Variants in WNT7B observed in about 807,000 individuals in gnomAD.
WNT7B encodes the protein protein Wnt-7b.
In WNT7B, 19 loss-of-function variants were observed where a neutral mutation model predicts 38.2. The observed-to-expected ratio is 0.50, with a 90% CI of 0.35 to 0.73. WNT7B has a LOEUF of 0.73. WNT7B is among the 30% of genes least tolerant of loss of function. The pLI is 0.01. For missense variants in WNT7B, 423 were observed against 507.9 expected, an observed-to-expected ratio of 0.83 and a Z score of 1.61; for synonymous variants, 243 against 209.3, an observed-to-expected ratio of 1.16 and a Z score of -1.39.
chr22:45,943,237 G>GCCCCC (rs1260051320), intron 2 of WNT7B, among the ~76,000 whole-genome samples: 2 of 152,106 alleles, frequency 1.3e-5, no homozygotes, highest in African/African-American at 2.4e-5. Context: ...GCCCCACCCG[G>GCCCCC]ACCCCACCCG....
intron 2 of WNT7B, among the ~76,000 whole-genome samples, chr22:45,942,553 G>T (rs908907851): frequency 6.6e-6 from 1 of 152,236 alleles, no homozygotes; most frequent in African/African-American, 2.4e-5. Flanking sequence ...CAGAGCCCTC[G>T]CCTGCCTGGC....
chr22:45,975,199 A>C lies in WNT7B; in HGVS notation c.71+1485T>G, dbSNP rs73175081. On this transcript the variant is annotated intron_variant, in intron 1 of 3. Transcript: ENST00000339464. The surrounding 1 kb of genome is among the most constrained non-coding windows in gnomAD (Gnocchi z 6.6). ...TACTCTAGGGGTGCCAGGAGGGGGAAGGCCTCAGCGCTGAGAATCAGGCTG... is the reference window on the plus strand; with the variant it reads ...TACTCTAGGGGTGCCAGGAGGGGGACGGCCTCAGCGCTGAGAATCAGGCTG... Among the ~76,000 whole-genome samples, 1 of 151,968 alleles carries C rather than the reference A, an allele frequency of 6.6e-6. No individual in the cohort carries two copies. Among genetic ancestry groups the C allele is most frequent in the African/African-American group, 2.4e-5 (1 of 41,420 alleles).
intron 2 of WNT7B, among the ~76,000 whole-genome samples, chr22:45,945,525 C>T (rs1245873659): frequency 6.6e-6 from 1 of 152,260 alleles, no homozygotes; most frequent in Admixed American, 6.5e-5. Flanking sequence ...ATATCTTACA[C>T]TTACGGCACA....
At position 45,945,624 on chromosome 22, in the gene WNT7B, C is replaced by T. The variant is rs1280646088; in HGVS notation, c.298+4296G>A. Among the ~76,000 whole-genome samples, 5 of 152,374 alleles carry T rather than the reference C, an allele frequency of 3.3e-5. No homozygotes were observed. In the East Asian group the frequency reaches 5.8e-4, roughly 18 times the overall value. On this transcript the variant is annotated intron_variant, in intron 2 of 3. Transcript: ENST00000339464. ...GTGAACAAGTGAAGAATCCAGCCCT[C>T]GAGACCTCGTCCCTGCTGGGGGTCA...
At position 45,966,476 on chromosome 22, in the gene WNT7B, G is replaced by A. The variant is rs1034225905; in HGVS notation, c.71+10208C>T. ...TGGAGCAGGGATCACAGTGCGGGAG[G>A]GCTCCAGAAAGCGATAGAGGCCTGC... On this transcript the variant is annotated intron_variant, in intron 1 of 3. Transcript: ENST00000339464. The surrounding 1 kb of genome is among the most constrained non-coding windows in gnomAD (Gnocchi z 4.2). Among the ~76,000 whole-genome samples the A allele has an allele frequency of 3.9e-5, 6 of 152,188 alleles. No individual in the cohort carries two copies. The highest frequency in any genetic ancestry group is 8.8e-5 in the Non-Finnish European group (6 of 68,032).
chr22:45,930,410 G>C (rs1258469925), intron 3 of WNT7B, among the ~76,000 whole-genome samples: 2 of 152,342 alleles, frequency 1.3e-5, no homozygotes, highest in East Asian at 3.9e-4. Flanking sequence ...AGCCGGCTGG[G>C]CGTTCCACTT....
In WNT7B at chr22:45,951,654, G is replaced by A. The variant is rs1278354116; in HGVS notation, c.72-1508C>T. Among the ~76,000 whole-genome samples the A allele has an allele frequency of 2.6e-5, 4 of 152,270 alleles. No individual in the cohort carries two copies. Among genetic ancestry groups the A allele is most frequent in the East Asian group, 1.9e-4 (1 of 5,180 alleles). ...AACCATTCATTGTGTGACCTTTGGCGTCTGGCTTCTTTCACTTAGCGTCGT... is the reference window on the plus strand; with the variant it reads ...AACCATTCATTGTGTGACCTTTGGCATCTGGCTTCTTTCACTTAGCGTCGT... On this transcript the variant is annotated intron_variant, in intron 1 of 3. Transcript: ENST00000339464. This position sits in a 1 kb window ranked among gnomAD's most constrained non-coding sequence, Gnocchi z 4.8.
At chr22:45,934,826 G>A (rs539893126) in intron 2 of WNT7B, among the ~76,000 whole-genome samples, 26 of 152,336 alleles carry the variant, frequency 1.7e-4, no homozygotes, top group Admixed American at 3.3e-4. Flanking sequence ...CTGGTCTCTC[G>A]TCATGGAGAC....
rs1043068797 is a variant in WNT7B, at chr22:45,920,792, T to C, written c.*2064A>G. 23 of 151,864 alleles carry C rather than the reference T, an allele frequency of 1.5e-4. No individual in the cohort carries two copies. The highest frequency in any genetic ancestry group is 5.1e-4 in the African/African-American group (21 of 41,296). The allele number at this position is 151,864 out of a possible 1,614,324, so 9.4% of individuals were successfully genotyped here. A position where few individuals can be genotyped will look rare whatever the true frequency, so the allele number is the denominator to read the frequency against. On this transcript the variant is annotated 3_prime_UTR_variant, in exon 4 of 4. Transcript: ENST00000339464. ...GGGCCGCAGCCATCCCCCTCTCCGGTACCCAGTGTAGGTCACAATAATTTA... is the reference window on the plus strand; with the variant it reads ...GGGCCGCAGCCATCCCCCTCTCCGGCACCCAGTGTAGGTCACAATAATTTA...
chr22:45,929,695 C>CCCATCCTTCCAT (rs141904678), intron 3 of WNT7B, among the ~76,000 whole-genome samples: 1 of 140,366 alleles, frequency 7.1e-6, no homozygotes, highest in South Asian at 2.4e-4. Flanking sequence ...CTTCCATCCA[C>CCCATCCTTCCAT]CCATCTTTCC....
intron 1 of WNT7B, among the ~76,000 whole-genome samples, chr22:45,956,896 A>G (rs899825460): frequency 3.9e-5 from 6 of 151,926 alleles, no homozygotes; most frequent in African/African-American, 1.5e-4. Context: ...TCATGAAGTC[A>G]GGAGATCGAG....
intron 1 of WNT7B, among the ~76,000 whole-genome samples, chr22:45,959,882 A>G (rs771785910): frequency 6.3e-4 from 95 of 152,000 alleles, no homozygotes; most frequent in Admixed American, 3.8e-3. Flanking sequence ...TCTTCCTGGA[A>G]CCCAGCTGGA....
chr22:45,949,783 G>T, intron 2 of WNT7B, 137 bp downstream of exon 2: 1 of 827,808 alleles, frequency 1.2e-6, no homozygotes, highest in Non-Finnish European at 1.8e-6. Context: ...ACGCAGAAGG[G>T]CTCACAGGAA....
chr22:45,954,631 G>A, intron 1 of WNT7B: 2 of 985,384 alleles, frequency 2.0e-6, no homozygotes, highest in African/African-American at 3.5e-5. Flanking sequence ...GGGTTAAAGG[G>A]GAAGTAAAGG....
chr22:45,955,482 G>T (rs1445571230), intron 1 of WNT7B, among the ~76,000 whole-genome samples: 1 of 152,230 alleles, frequency 6.6e-6, no homozygotes, highest in Non-Finnish European at 1.5e-5. Context: ...ACCCAGCTTC[G>T]CTCCAAGTGT....
chr22:45,943,748 C>T (rs1260092048), intron 2 of WNT7B, among the ~76,000 whole-genome samples: 1 of 152,204 alleles, frequency 6.6e-6, no homozygotes, highest in Non-Finnish European at 1.5e-5. Context: ...GTGTAGACAA[C>T]AGGACCTGAG....
chr22:45,940,260 G>A (rs1194099531), intron 2 of WNT7B, among the ~76,000 whole-genome samples: 2 of 152,068 alleles, frequency 1.3e-5, no homozygotes, highest in African/African-American at 4.8e-5. Context: ...TTCACAATTA[G>A]GACACTGGGC....
chr22:45,926,025 T>G, intron 3 of WNT7B: 1 of 985,386 alleles, frequency 1.0e-6, no homozygotes, highest in Non-Finnish European at 1.2e-6. Flanking sequence ...GGAACCCAGC[T>G]GCATGCTACT....
chr22:45,957,660 G>A (rs368255431), intron 1 of WNT7B, among the ~76,000 whole-genome samples: 42 of 125,638 alleles, frequency 3.3e-4, no homozygotes, highest in Non-Finnish European at 5.1e-4. Flanking sequence ...TCCAGCCTGC[G>A]TGAGGGAGCA....
Sources: gnomAD v4.1 joint callset for allele counts (sites outside exome capture counted in the v4.1 genomes callset) on GRCh38, gnomAD v4.1.1 for gene constraint, Gnocchi (gnomAD v3.1) non-coding constraint, MANE v1.5 for transcripts, NCBI Gene and HGNC (gene_info 2026-07-23, HGNC 2026-07-21) for gene names.